RYR3: variants seen among roughly 807,000 people sequenced by gnomAD.
The protein encoded by RYR3 is brain ryanodine receptor-calcium release channel.
RYR3 carries 207 observed loss-of-function variants against 584.3 expected under a neutral mutation model. That is an observed-to-expected ratio of 0.35 (90% CI 0.32 to 0.40). The LOEUF is 0.40. Ranked by LOEUF, RYR3 falls within the 10% of genes least tolerant of loss-of-function variation. The pLI, the probability that RYR3 is intolerant of heterozygous loss-of-function variation, is 1.00. For missense variants in RYR3, 5,616 were observed against 6,089.2 expected, an observed-to-expected ratio of 0.92 and a Z score of 2.59; for synonymous variants, 2,416 against 2,248.5, an observed-to-expected ratio of 1.07 and a Z score of -2.11.
intron 1 of RYR3, among the ~76,000 whole-genome samples, chr15:33,416,221 G>A (rs1239358347): frequency 6.6e-6 from 1 of 152,160 alleles, no homozygotes; most frequent in Non-Finnish European, 1.5e-5. Flanking sequence ...TATATATCCA[G>A]CAATTGGATT....
intron 3 of RYR3, among the ~76,000 whole-genome samples, chr15:33,505,797 A>C (rs1180165243): frequency 6.6e-6 from 1 of 152,032 alleles, no homozygotes; most frequent in Non-Finnish European, 1.5e-5. Context: ...TGGCCGGGAA[A>C]CTTTTTTTTA....
chr15:33,661,236 G>C (rs1455125772), intron 34 of RYR3, among the ~76,000 whole-genome samples: 1 of 152,118 alleles, frequency 6.6e-6, no homozygotes, highest in Non-Finnish European at 1.5e-5. Flanking sequence ...TCTAAGCAGA[G>C]ATTAGAGCCG....
intron 1 of RYR3, among the ~76,000 whole-genome samples, chr15:33,382,032 C>G (rs1006569584): frequency 2.0e-5 from 3 of 152,028 alleles, no homozygotes; most frequent in African/African-American, 7.3e-5. Flanking sequence ...CAAAATTAGA[C>G]TAGAATTTTA....
chr15:33,738,672 G>A, intron 50 of RYR3, 82 bp downstream of exon 50: 10 of 1,502,176 alleles, frequency 6.7e-6, no homozygotes, highest in South Asian at 2.4e-5. Context: ...CATCTGTTTA[G>A]CATTCCATTT....
chr15:33,687,741 G>C (rs974901796), intron 38 of RYR3, among the ~76,000 whole-genome samples: 2 of 152,088 alleles, frequency 1.3e-5, no homozygotes, highest in African/African-American at 4.8e-5. Context: ...CAGAACAGAG[G>C]CCTCAGAAAT....
At position 33,469,715 on chromosome 15, in the gene RYR3, C is replaced by A. The variant is rs1425954247; in HGVS notation, c.52-3704C>A. Among the ~76,000 whole-genome samples, 8 of 152,204 alleles carry A rather than the reference C, an allele frequency of 5.3e-5. No individual in the cohort carries two copies. The East Asian group carries it at 1.5e-3, about 29-fold the overall frequency. ...GGTAAAAATAGATGGAGGTTTGGAA[C>A]CCTTGAGTACCACCAGGTTGGAGGT... is the stretch of plus-strand genomic sequence containing the variant. On this transcript the variant is annotated intron_variant, in intron 1 of 103. Transcript: ENST00000634891.
chr15:33,655,361 G>A (rs2062763606), intron 32 of RYR3, among the ~76,000 whole-genome samples: 1 of 152,182 alleles, frequency 6.6e-6, no homozygotes, highest in Admixed American at 6.5e-5. Flanking sequence ...TCCTCCCTGA[G>A]CTGCAGAGGA....
At chr15:33,420,735 G>C (rs1182666776) in intron 1 of RYR3, among the ~76,000 whole-genome samples, 1 of 151,842 alleles carries the variant, frequency 6.6e-6, no homozygotes, top group East Asian at 1.9e-4. Flanking sequence ...CTAGTTCTTT[G>C]CCTACCTTAT....
intron 1 of RYR3, among the ~76,000 whole-genome samples, chr15:33,321,008 G>T (rs994151163): frequency 1.3e-5 from 2 of 152,254 alleles, no homozygotes; most frequent in South Asian, 2.1e-4. Context: ...ATGGCCTTGG[G>T]AGTACAGATT....
intron 11 of RYR3, 50 bp from the exon 12 acceptor site, chr15:33,566,628 T>C: frequency 6.2e-7 from 1 of 1,602,274 alleles, no homozygotes; most frequent in African/African-American, 1.3e-5. Context: ...TGACTGCCCA[T>C]ATGTGGAATA....
chr15:33,839,414 T>C (rs1037878209), intron 89 of RYR3, among the ~76,000 whole-genome samples: 4 of 152,218 alleles, frequency 2.6e-5, no homozygotes, highest in African/African-American at 9.6e-5. Context: ...GGGACATTTT[T>C]ATCCTTGTGA....
chr15:33,529,511 G>A (rs759375132), intron 3 of RYR3, among the ~76,000 whole-genome samples: 2 of 152,164 alleles, frequency 1.3e-5, no homozygotes, highest in Non-Finnish European at 2.9e-5. Context: ...CTGCCAGTCT[G>A]TAACTCTGAA....
intron 38 of RYR3, among the ~76,000 whole-genome samples, chr15:33,671,281 A>T (rs1005264747): frequency 6.6e-6 from 1 of 152,200 alleles, no homozygotes; most frequent in African/African-American, 2.4e-5. Flanking sequence ...CAGATTCAGC[A>T]AATTTATCAT....
chr15:33,822,613 A>C (rs1382922518), intron 80 of RYR3, among the ~76,000 whole-genome samples: 2 of 152,270 alleles, frequency 1.3e-5, no homozygotes. Context: ...AGAACACAGG[A>C]AACAAAGCCT....
intron 81 of RYR3, among the ~76,000 whole-genome samples, chr15:33,823,342 G>A (rs574879596): frequency 1.9e-4 from 29 of 152,212 alleles, no homozygotes; most frequent in African/African-American, 6.7e-4. Context: ...TTACCTCCAC[G>A]TTTATGTTGC....
intron 1 of RYR3, among the ~76,000 whole-genome samples, chr15:33,397,208 G>A (rs531231646): frequency 6.6e-6 from 1 of 152,332 alleles, no homozygotes; most frequent in Admixed American, 6.5e-5. Flanking sequence ...CAAGACCAGA[G>A]ACAGGAACTT....
intron 11 of RYR3, among the ~76,000 whole-genome samples, chr15:33,566,148 C>T (rs1441121329): frequency 1.3e-5 from 2 of 152,210 alleles, no homozygotes; most frequent in Non-Finnish European, 2.9e-5. Flanking sequence ...TACTCTCTAG[C>T]CTCCAAGAGA....
chr15:33,417,942 GGTTTTT>G (rs1438847882), intron 1 of RYR3, among the ~76,000 whole-genome samples: 1 of 152,072 alleles, frequency 6.6e-6, no homozygotes, highest in African/African-American at 2.4e-5. Context: ...ATGATCATAT[GGTTTTT>G]GTTTTTAATT....
chr15:33,689,897 A>G (rs1366093316), intron 38 of RYR3, among the ~76,000 whole-genome samples: 1 of 152,190 alleles, frequency 6.6e-6, no homozygotes, highest in East Asian at 1.9e-4. Flanking sequence ...TTGTGTCTTG[A>G]AATAGTTTCT....
Sources: allele counts gnomAD v4.1 joint callset (sites outside exome capture counted in the v4.1 genomes callset), GRCh38; gene constraint gnomAD v4.1.1; transcripts MANE v1.5; gene names NCBI Gene and HGNC (gene_info 2026-07-23, HGNC 2026-07-21).